Variants in CILP2 observed in about 807,000 individuals in gnomAD.
CILP2 encodes the protein CILP-2.
In CILP2, 38 loss-of-function variants were observed where a neutral mutation model predicts 45.6. The observed-to-expected ratio is 0.83, with a 90% CI of 0.64 to 1.09. The LOEUF (loss-of-function observed/expected upper bound fraction) is 1.09, where lower values mean the gene tolerates loss of function less well. Among genes scored for constraint, CILP2 ranks in the 50% least tolerant of loss-of-function variants. The pLI is 0.00. For missense variants in CILP2, 1,735 were observed against 1,662.2 expected (o/e 1.04, Z -0.76); for synonymous variants, 780 against 723.5 (o/e 1.08, Z -1.25).
chr19:19,544,490 GC>G lies in CILP2; in HGVS notation c.1946del (p.Ala649GlyfsTer36). 2 of 1,605,598 alleles carry G rather than the reference GC, an allele frequency of 1.2e-6. No individual in the cohort carries two copies. The highest frequency in any genetic ancestry group is 1.7e-6 in the Non-Finnish European group (2 of 1,178,988). On this transcript the variant is annotated frameshift_variant, in exon 8 of 8. Transcript: ENST00000291495. LOFTEE classifies it low-confidence loss of function (END_TRUNC). ...TYGMFSVDLR[A>X]PGSAEQLQVG... is the part of the protein sequence containing the mutation. Reference sequence around the variant, plus strand: ...CGGCATGTTCTCCGTGGACCTCCGTGCGCCCGGCTCCGCGGAGCAGCTGCAG... The same window carrying G: ...CGGCATGTTCTCCGTGGACCTCCGTGGCCCGGCTCCGCGGAGCAGCTGCAG...
rs746565761 is a variant in CILP2 at position 19,544,716 on chromosome 19, G to A, written c.2171G>A (p.Arg724Gln). 6.3e-7 allele frequency: 1 copy of A among 1,594,946 alleles called. No individual in the cohort carries two copies. Residue 724 changes from arginine (R) to glutamine (Q), a missense_variant, in exon 8 of 8, where the codon CGG (arginine) becomes CAG (glutamine). Arg to Gln is a conservative substitution (Grantham distance 43). Transcript: ENST00000291495. ...FLVGNVEIRE[R>Q]RLFNLDVPER... ...GTGGGCAACGTGGAGATCCGGGAGC[G>A]GCGCCTGTTCAATCTGGACGTGCCT...
rs2061242431 is a variant in CILP2, at chr19:19,541,218, G to T, written c.564G>T (p.Ala188=). 12 of 1,283,250 alleles carry T rather than the reference G, an allele frequency of 9.4e-6. No individual in the cohort carries two copies. The highest frequency in any genetic ancestry group is 1.2e-5 in the Non-Finnish European group (12 of 1,013,964). 79.5% of individuals were successfully genotyped at this position (1,283,250 alleles called of 1,614,324 possible). ...CGTGTCCCGGGCGTCCTCTGGAGGC[G>T]CAGAAGTGCGTGCGGCCTCGGTGTC... ...GDACPGRPLE[A]QKCVRPRCPG... Residue 188 remains alanine (A), a synonymous_variant, in exon 4 of 8, where the codon GCG becomes GCT. Coordinates refer to ENST00000291495, the MANE Select transcript of CILP2 (RefSeq NM_153221.2).
Position 19,542,550 on chromosome 19 carries a change from C to T in CILP2, c.768C>T (p.Arg256=), listed in dbSNP as rs199959165. The change falls in exon 5 of 8, where the codon CGC becomes CGT. Residue 256 remains arginine (R), a synonymous_variant. Coordinates refer to ENST00000291495, the MANE Select transcript of CILP2 (RefSeq NM_153221.2). The part of the protein sequence containing the change: ...FRVPGVCADS[R]ANIRAQMDGF... ...TGCCTGGTGTCTGTGCTGACAGCCG[C>T]GCCAACATCAGGGCCCAGATGGATG... is the stretch of plus-strand genomic sequence containing the variant. The T allele has an allele frequency of 1.8e-5, 29 of 1,613,930 alleles. No homozygotes were observed. Among genetic ancestry groups the T allele is most frequent in the East Asian group, 4.5e-5 (2 of 44,880 alleles).
At position 19,542,979 on chromosome 19, in the gene CILP2, GCC is replaced by G; in HGVS notation, c.977+9_977+10del. The G allele has an allele frequency of 6.4e-7, 1 of 1,571,726 alleles. No homozygotes were observed. Among genetic ancestry groups the G allele is most frequent in the Non-Finnish European group, 8.7e-7 (1 of 1,143,138 alleles). On this transcript the variant is annotated splice_region_variant and intron_variant, in intron 6 of 7. Coordinates refer to ENST00000291495, the MANE Select transcript of CILP2 (RefSeq NM_153221.2). The stretch of plus-strand genomic sequence containing the variant: ...TGCCCAAGAAATACTCCTGGTGAGC[GCC>G]CGCCCCGGGCTCAGGGGCATCTTCT...
chr19:19,545,515 C>T lies in CILP2; in HGVS notation c.2970C>T (p.Cys990=), dbSNP rs753692787. ...DPERPGTSAA[C]VEFKCSGMLF... is the part of the protein sequence containing the mutation. Reference sequence around the variant, plus strand: ...AGCGTCCGGGCACCTCGGCAGCCTGCGTGGAGTTCAAGTGCAGCGGGATGC... The same window carrying T: ...AGCGTCCGGGCACCTCGGCAGCCTGTGTGGAGTTCAAGTGCAGCGGGATGC... Residue 990 remains cysteine, a synonymous_variant, in exon 8 of 8, where the codon TGC becomes TGT. Transcript: ENST00000291495. 5.1e-5 allele frequency: 82 copies of T among 1,612,426 alleles called. 1 individual carries two copies. In the Middle Eastern group the frequency reaches 6.6e-4, roughly 13 times the overall value.
Position 19,542,369 on chromosome 19 carries a change from C to T in CILP2, c.593-6C>T. On this transcript the variant is annotated splice_region_variant and splice_polypyrimidine_tract_variant and intron_variant, in intron 4 of 7. Coordinates refer to ENST00000291495, the MANE Select transcript of CILP2 (RefSeq NM_153221.2). Reference sequence around the variant, plus strand: ...TCTGTCCTGCTTCCTCTCCATATCCCCCCAGGGTGCAGCCTTGACACCTGT... The same window carrying T: ...TCTGTCCTGCTTCCTCTCCATATCCTCCCAGGGTGCAGCCTTGACACCTGT... 2 of 1,607,340 alleles carry T rather than the reference C, an allele frequency of 1.2e-6. No individual in the cohort carries two copies. Among genetic ancestry groups the T allele is most frequent in the Non-Finnish European group, 1.7e-6 (2 of 1,176,680 alleles).
Position 19,544,339 on chromosome 19 carries a change from C to T in CILP2, c.1794C>T (p.Pro598=), listed in dbSNP as rs1242290604. Residue 598 remains proline, a synonymous_variant, in exon 8 of 8, where the codon CCC becomes CCT. Coordinates refer to ENST00000291495, the MANE Select transcript of CILP2 (RefSeq NM_153221.2). ...SGAFRRADGK[P]YSGPVEARVT... Reference sequence around the variant, plus strand: ...CTTTCCGCAGAGCCGACGGCAAACCCTACTCGGGGCCTGTGGAGGCCCGGG... The same window carrying T: ...CTTTCCGCAGAGCCGACGGCAAACCTTACTCGGGGCCTGTGGAGGCCCGGG... 6.2e-7 allele frequency: 1 copy of T among 1,611,732 alleles called. No homozygotes were observed. The highest frequency in any genetic ancestry group is 8.5e-7 in the Non-Finnish European group (1 of 1,179,766).
chr19:19,543,336 A>G lies in CILP2; in HGVS notation c.1066A>G (p.Ile356Val), dbSNP rs1440139418. The change falls in exon 7 of 8, where the codon ATC becomes GTC. Residue 356 changes from isoleucine to valine, a missense_variant. Transcript: ENST00000291495. The part of the protein sequence containing the change: ...LRGLRPDQAG[I>V]YHCKAWNEAG... ...GGGACTGCGCCCAGACCAGGCTGGCATCTACCACTGCAAGGCATGGAATGA... is the reference window on the plus strand; with the variant it reads ...GGGACTGCGCCCAGACCAGGCTGGCGTCTACCACTGCAAGGCATGGAATGA... The G allele has an allele frequency of 1.9e-6, 3 of 1,613,542 alleles. No individual in the cohort carries two copies. Among genetic ancestry groups the G allele is most frequent in the African/African-American group, 2.7e-5 (2 of 74,930 alleles).
In CILP2 at chr19:19,543,838, G is replaced by C; in HGVS notation, c.1293G>C (p.Gly431=). The C allele has an allele frequency of 6.2e-7, 1 of 1,613,826 alleles. No individual in the cohort carries two copies. The highest frequency in any genetic ancestry group is 8.5e-7 in the Non-Finnish European group (1 of 1,179,890). The change falls in exon 8 of 8, where the codon GGG becomes GGC. Residue 431 remains glycine (G), a synonymous_variant. Transcript: ENST00000291495. ...PSLAGSSPRC[G]DASSRCCSVR... ...TGGCAGGCTCCAGCCCCCGCTGCGG[G>C]GACGCCAGCTCCCGCTGCTGCTCTG... is the stretch of plus-strand genomic sequence containing the variant.
In CILP2 at chr19:19,545,848, C is replaced by T; in HGVS notation, c.3303C>T (p.Thr1101=). 1 of 1,585,552 alleles carries T rather than the reference C, an allele frequency of 6.3e-7. No individual in the cohort carries two copies. The highest frequency in any genetic ancestry group is 8.6e-7 in the Non-Finnish European group (1 of 1,160,610). The change falls in exon 8 of 8, where the codon ACC becomes ACT. Residue 1101 remains threonine (T), a synonymous_variant. Coordinates refer to ENST00000291495, the MANE Select transcript of CILP2 (RefSeq NM_153221.2). The part of the protein sequence containing the change: ...EMKADAGTAV[T]FQCREPPAGR... ...AGGCTGATGCCGGCACAGCCGTCAC[C>T]TTCCAGTGCCGGGAGCCACCGGCCG...
chr19:19,539,674 C>T lies in CILP2; in HGVS notation c.65-5C>T. ...TGCTTCCTTCTCCCCACTCCTCACC[C>T]ACAGACGCCACCCCCACCGAGGAGC... On this transcript the variant is annotated splice_region_variant and splice_polypyrimidine_tract_variant and intron_variant, in intron 1 of 7. Transcript: ENST00000291495. 6.3e-7 allele frequency: 1 copy of T among 1,577,024 alleles called. No homozygotes were observed. Among genetic ancestry groups the T allele is most frequent in the Non-Finnish European group, 8.6e-7 (1 of 1,159,924 alleles).
intron 4 of CILP2, 143 bp downstream of exon 4, chr19:19,541,389 G>T: frequency 1.3e-6 from 1 of 785,584 alleles, no homozygotes; most frequent in Non-Finnish European, 1.7e-6. Flanking sequence ...ATGCCTAGAG[G>T]GGAGGAGCTA....
At position 19,545,660 on chromosome 19, in the gene CILP2, C is replaced by G. The variant is rs1355323349; in HGVS notation, c.3115C>G (p.Pro1039Ala). The G allele has an allele frequency of 6.2e-7, 1 of 1,609,694 alleles. No individual in the cohort carries two copies. The highest frequency in any genetic ancestry group is 1.1e-5 in the South Asian group (1 of 90,652). ...DYLTRHPPPV[P>A]AEDPAAFSML... ...CCTGACCCGGCACCCCCCACCGGTG[C>G]CCGCGGAGGACCCAGCTGCCTTCTC... The change falls in exon 8 of 8, where the codon CCC (proline) becomes GCC (alanine). Residue 1039 changes from proline (P) to alanine (A), a missense_variant. By Grantham distance (27) the Pro-to-Ala change is conservative. Transcript: ENST00000291495.
chr19:19,539,056 G>A (rs1410762923), intron 1 of CILP2, among the ~76,000 whole-genome samples: 1 of 152,240 alleles, frequency 6.6e-6, no homozygotes, highest in Non-Finnish European at 1.5e-5. Context: ...TCTCGCGGCA[G>A]CTGAACATAG....
At position 19,543,954 on chromosome 19, in the gene CILP2, C is replaced by T. The variant is rs2061253494; in HGVS notation, c.1409C>T (p.Pro470Leu). 8 of 1,613,350 alleles carry T rather than the reference C, an allele frequency of 5.0e-6. No homozygotes were observed. Among genetic ancestry groups the T allele is most frequent in the African/African-American group, 2.7e-5 (2 of 74,940 alleles). ...GAGTGTGGCTGCCAGAAGTGTCTGC[C>T]CCCTCGGGGGCTGGTCCGGGGCCGT... The part of the protein sequence containing the change: ...VAECGCQKCL[P>L]PRGLVRGRVV... The change falls in exon 8 of 8, where the codon CCC becomes CTC. Residue 470 changes from proline to leucine, a missense_variant. By Grantham distance (98) the Pro-to-Leu change is moderately conservative (BLOSUM62 -3). Transcript: ENST00000291495.
In CILP2 at chr19:19,544,752, G is replaced by T; in HGVS notation, c.2207G>T (p.Arg736Leu). The T allele has an allele frequency of 6.2e-7, 1 of 1,606,148 alleles. No individual in the cohort carries two copies. The highest frequency in any genetic ancestry group is 1.7e-5 in the Admixed American group (1 of 59,734). ...AATCTGGACGTGCCTGAGCGCCGCC[G>T]CTGCTTCGTGAAGGTGCGCGCCTAC... is the stretch of plus-strand genomic sequence containing the variant. ...LFNLDVPERR[R>L]CFVKVRAYAN... The change falls in exon 8 of 8, where the codon CGC becomes CTC. Residue 736 changes from arginine to leucine, a missense_variant. Coordinates refer to ENST00000291495, the MANE Select transcript of CILP2 (RefSeq NM_153221.2).
rs1555729751 is a variant in CILP2, at chr19:19,539,580, A to AG, written c.65-91dup. ...TTCCGTCTCAAAAAAAAAAAAAAAA[A>AG]GGGGGGGGATGATCGTGGCTGCACC... is the stretch of plus-strand genomic sequence containing the variant. On this transcript the variant is annotated intron_variant, in intron 1 of 7. Coordinates refer to ENST00000291495, the MANE Select transcript of CILP2 (RefSeq NM_153221.2). 1,791 of 554,202 alleles carry AG rather than the reference A, an allele frequency of 3.2e-3. 23 individuals carry two copies. Among genetic ancestry groups the AG allele is most frequent in the African/African-American group, 9.1e-3 (401 of 44,240 alleles). 34.3% of individuals were successfully genotyped at this position (554,202 alleles called of 1,614,324 possible). A position where few individuals can be genotyped will look rare whatever the true frequency, so the allele number is the denominator to read the frequency against.
In CILP2 at chr19:19,544,948, G is replaced by C; in HGVS notation, c.2403G>C (p.Arg801Ser). The change falls in exon 8 of 8, where the codon AGG becomes AGC. Residue 801 changes from arginine (R) to serine (S), a missense_variant. Arg to Ser is a moderately radical substitution (Grantham distance 110). Transcript: ENST00000291495. ...ACLPAFCDAD[R>S]PDAYTALVTA... ...TCCCCGCCTTCTGCGACGCCGACAGGCCAGACGCCTACACCGCCCTGGTCA... is the reference window on the plus strand; with the variant it reads ...TCCCCGCCTTCTGCGACGCCGACAGCCCAGACGCCTACACCGCCCTGGTCA... 1 of 1,596,144 alleles carries C rather than the reference G, an allele frequency of 6.3e-7. No homozygotes were observed. The highest frequency in any genetic ancestry group is 8.5e-7 in the Non-Finnish European group (1 of 1,177,984).
chr19:19,539,858 A>C, intron 2 of CILP2, 81 bp downstream of exon 2: 2 of 1,154,364 alleles, frequency 1.7e-6, no homozygotes, highest in Admixed American at 5.7e-5. Context: ...TCGTGTGAGG[A>C]GAGGGCACAC....
Sources: gnomAD v4.1 joint callset for allele counts (sites outside exome capture counted in the v4.1 genomes callset) on GRCh38, gnomAD v4.1.1 for gene constraint, MANE v1.5 for transcripts, NCBI Gene and HGNC (gene_info 2026-07-23, HGNC 2026-07-21) for gene names.